Variants in ARFGEF3 observed in about 807,000 individuals in gnomAD.
The protein encoded by ARFGEF3 is ARFGEF family member 3.
ARFGEF3 carries 96 observed loss-of-function variants against 221.7 expected under a neutral mutation model. That is an observed-to-expected ratio of 0.43 (90% confidence interval 0.37 to 0.51). The LOEUF (loss-of-function observed/expected upper bound fraction) is 0.51. ARFGEF3 is among the 20% of genes least tolerant of loss of function. The pLI is 0.00. For missense variants in ARFGEF3, 2,410 were observed against 2,789.9 expected, an observed-to-expected ratio of 0.86 and a Z score of 3.07; for synonymous variants, 1,145 against 1,126.8, an observed-to-expected ratio of 1.02 and a Z score of -0.32.
chr6:138,231,689 A>G (rs1778194974), intron 5 of ARFGEF3, among the ~76,000 whole-genome samples: 1 of 152,226 alleles, frequency 6.6e-6, no homozygotes, highest in Non-Finnish European at 1.5e-5. Context: ...AAATGTAAAG[A>G]AGGAATCTAG....
At chr6:138,163,971 A>G (rs1296196805) in intron 1 of ARFGEF3, among the ~76,000 whole-genome samples, 3 of 152,106 alleles carry the variant, frequency 2.0e-5, no homozygotes, top group Non-Finnish European at 4.4e-5. Context: ...ATTTCACTTG[A>G]AGAATGGGGA....
intron 24 of ARFGEF3, among the ~76,000 whole-genome samples, chr6:138,310,704 G>T (rs1484045149): frequency 2.0e-5 from 3 of 152,304 alleles, no homozygotes; most frequent in African/African-American, 4.8e-5. Context: ...TTGATTAAAT[G>T]TATAGAAATA....
chr6:138,264,903 CTT>C (rs777385641), intron 12 of ARFGEF3, among the ~76,000 whole-genome samples: 10 of 137,346 alleles, frequency 7.3e-5, no homozygotes, highest in Admixed American at 7.3e-5. Context: ...TTTTTTTTTC[CTT>C]TTTTTTTTTT....
chr6:138,228,911 A>G (rs1445441750), intron 4 of ARFGEF3, among the ~76,000 whole-genome samples: 1 of 152,264 alleles, frequency 6.6e-6, no homozygotes, highest in Non-Finnish European at 1.5e-5. Context: ...TGCAGCAAGA[A>G]AAGTCAGAGC....
chr6:138,176,416 C>T (rs6930801), intron 2 of ARFGEF3, among the ~76,000 whole-genome samples: 6,612 of 152,152 alleles, frequency 0.043, 161 homozygotes, highest in Middle Eastern at 0.092. Context: ...TGCCTGACCT[C>T]GTGATCCACC....
chr6:138,170,078 A>G (rs1298317951), intron 1 of ARFGEF3, among the ~76,000 whole-genome samples: 5 of 152,214 alleles, frequency 3.3e-5, no homozygotes, highest in Admixed American at 1.3e-4. Flanking sequence ...GGAGGCAGCA[A>G]TAGTGTGAAA....
chr6:138,192,647 G>A (rs1323028611), intron 2 of ARFGEF3, among the ~76,000 whole-genome samples: 1 of 152,216 alleles, frequency 6.6e-6, no homozygotes, highest in African/African-American at 2.4e-5. Flanking sequence ...TCTGCAGGCT[G>A]AGGTGTCCAT....
chr6:138,188,032 G>A (rs912797011), intron 2 of ARFGEF3, among the ~76,000 whole-genome samples: 3 of 152,144 alleles, frequency 2.0e-5, no homozygotes, highest in African/African-American at 7.2e-5. Flanking sequence ...TAAAATAATA[G>A]AGTAGGATAT....
chr6:138,267,949 C>T (rs1778927700), intron 12 of ARFGEF3, among the ~76,000 whole-genome samples: 2 of 152,140 alleles, frequency 1.3e-5, no homozygotes, highest in South Asian at 4.1e-4. Flanking sequence ...CTAGTGACAT[C>T]ACAGTATTTT....
rs147280676 is a variant in ARFGEF3, at chr6:138,298,738, G to A, written c.3781G>A (p.Glu1261Lys). ...HFNEALFRPFERIMQLELCDE... is the reference protein window; with the variant it reads ...HFNEALFRPFKRIMQLELCDE... ...CAATGAAGCACTCTTCCGACCTTTC[G>A]AGCGCATTATGCAGCTGGAATTGTG... Residue 1261 changes from glutamate (E) to lysine (K), a missense_variant, in exon 22 of 34, where the codon GAG (glutamate) becomes AAG (lysine). Transcript: ENST00000251691. 16 of 1,613,308 alleles carry A rather than the reference G, an allele frequency of 9.9e-6. No individual in the cohort carries two copies. Among genetic ancestry groups the A allele is most frequent in the African/African-American group, 2.7e-5 (2 of 74,914 alleles).
At chr6:138,320,942 TGG>T (rs200185486) in intron 28 of ARFGEF3, among the ~76,000 whole-genome samples, 167 bp from the exon 29 acceptor site, 6,082 of 35,798 alleles carry the variant, frequency 0.17, 133 homozygotes, top group African/African-American at 0.34. Flanking sequence ...TACTGGGTTT[TGG>T]CGGGGGGGGG....
At chr6:138,208,100 C>CT (rs1015759622) in intron 3 of ARFGEF3, among the ~76,000 whole-genome samples, 1 of 152,036 alleles carries the variant, frequency 6.6e-6, no homozygotes, top group African/African-American at 2.4e-5. Context: ...ACTTTTGTTC[C>CT]TTTTTCTCTA....
intron 14 of ARFGEF3, among the ~76,000 whole-genome samples, chr6:138,285,298 A>T (rs1779266210): frequency 6.6e-6 from 1 of 151,984 alleles, no homozygotes; most frequent in Non-Finnish European, 1.5e-5. Flanking sequence ...CCCTGTACAA[A>T]AAATTAGCCG....
At chr6:138,188,597 A>G (rs1777236722) in intron 2 of ARFGEF3, among the ~76,000 whole-genome samples, 1 of 152,242 alleles carries the variant, frequency 6.6e-6, no homozygotes, top group Non-Finnish European at 1.5e-5. Flanking sequence ...TTGCCAATGT[A>G]TTGCTATACA....
Position 138,162,032 on chromosome 6 carries a change from G to T in ARFGEF3, c.-55G>T. 7.3e-7 allele frequency: 1 copy of T among 1,377,824 alleles called. No individual in the cohort carries two copies. Among genetic ancestry groups the T allele is most frequent in the Non-Finnish European group, 9.8e-7 (1 of 1,021,956 alleles). The allele number at this position is 1,377,824 out of a possible 1,614,324, so 85.3% of individuals were successfully genotyped here. A position where few individuals can be genotyped will look rare whatever the true frequency, so the allele number is the denominator to read the frequency against. On this transcript the variant is annotated 5_prime_UTR_variant, in exon 1 of 34. Transcript: ENST00000251691. This position sits in a 1 kb window ranked among gnomAD's most constrained non-coding sequence, Gnocchi z 4.7. Reference sequence around the variant, plus strand: ...CAGGCAGCGGCGGCTTCCCCGGCCCGGCTCGCCCGCGCTTCTCTCCCTGTG... The same window carrying T: ...CAGGCAGCGGCGGCTTCCCCGGCCCTGCTCGCCCGCGCTTCTCTCCCTGTG...
At chr6:138,206,343 C>CTTTTTTTTT (rs542624433) in intron 2 of ARFGEF3, among the ~76,000 whole-genome samples, 1 of 135,086 alleles carries the variant, frequency 7.4e-6, no homozygotes. Flanking sequence ...AATATCTCTC[C>CTTTTTTTTT]TTTTTTTTTT....
chr6:138,210,296 T>A (rs979491124), intron 4 of ARFGEF3, among the ~76,000 whole-genome samples: 1 of 152,228 alleles, frequency 6.6e-6, no homozygotes, highest in African/African-American at 2.4e-5. Context: ...GTATTTGTAA[T>A]CTTTTAAGAG....
At chr6:138,292,499 T>A (rs1477502415) in intron 19 of ARFGEF3, among the ~76,000 whole-genome samples, 3 of 152,230 alleles carry the variant, frequency 2.0e-5, no homozygotes, top group African/African-American at 4.8e-5. Context: ...ATGTGTTACT[T>A]ATTGATGCCC....
In ARFGEF3 at chr6:138,281,846, C is replaced by T. The variant is rs372937791; in HGVS notation, c.2461+1682C>T. Reference sequence around the variant, plus strand: ...ATAATGCCAAAGATTGGGGAGTCTGCAAAAGTTTAGTCTGGTCATCGCTTG... The same window carrying T: ...ATAATGCCAAAGATTGGGGAGTCTGTAAAAGTTTAGTCTGGTCATCGCTTG... On this transcript the variant is annotated intron_variant, in intron 14 of 33. Coordinates refer to ENST00000251691, the MANE Select transcript of ARFGEF3 (RefSeq NM_020340.5). Among the ~76,000 whole-genome samples the T allele has an allele frequency of 1.6e-4, 24 of 152,294 alleles. 1 individual carries two copies. The highest frequency in any genetic ancestry group is 5.8e-4 in the African/African-American group (24 of 41,554).
Sources: gnomAD v4.1 joint callset for allele counts (sites outside exome capture counted in the v4.1 genomes callset) on GRCh38, gnomAD v4.1.1 for gene constraint, Gnocchi (gnomAD v3.1) non-coding constraint, MANE v1.5 for transcripts, NCBI Gene and HGNC (gene_info 2026-07-23, HGNC 2026-07-21) for gene names.